The following DCAF12 variants were observed in gnomAD, a reference collection of about 807,000 sequenced individuals.
DCAF12 encodes DDB1- and CUL4-associated factor 12.
A neutral mutation model predicts 52.8 loss-of-function variants in DCAF12; 28 were observed. The observed-to-expected ratio is 0.53, with a 90% CI of 0.39 to 0.73. The LOEUF is 0.73. Ranked by LOEUF, DCAF12 falls within the 30% of genes least tolerant of loss-of-function variation. DCAF12 has a pLI of 0.00. For missense variants in DCAF12, 425 were observed against 552.2 expected (o/e 0.77, Z 2.31); for synonymous variants, 196 against 215.5 (o/e 0.91, Z 0.79).
At chr9:34,118,997 T>C (rs1829131645) in intron 2 of DCAF12, among the ~76,000 whole-genome samples, 1 of 151,998 alleles carries the variant, frequency 6.6e-6, no homozygotes, top group South Asian at 2.1e-4. Context: ...ATAATATCTC[T>C]CTTATCTCAC....
At chr9:34,094,102 A>C (rs1828695631) in intron 6 of DCAF12, among the ~76,000 whole-genome samples, 1 of 152,132 alleles carries the variant, frequency 6.6e-6, no homozygotes, top group South Asian at 2.1e-4. Context: ...CAAAGTCCTC[A>C]AGGATAAGAA....
At chr9:34,119,574 G>A (rs904930116) in intron 2 of DCAF12, among the ~76,000 whole-genome samples, 10 of 152,138 alleles carry the variant, frequency 6.6e-5, no homozygotes, top group African/African-American at 2.2e-4. Context: ...TTTAGATTAA[G>A]TAGCTTCCAA....
At chr9:34,097,901 C>G (rs1828760814) in intron 5 of DCAF12, among the ~76,000 whole-genome samples, 1 of 150,500 alleles carries the variant, frequency 6.6e-6, no homozygotes, top group African/African-American at 2.4e-5. Context: ...CCATTGCACT[C>G]CTGCCTAGGT....
chr9:34,126,326 AC>A, intron 1 of DCAF12, 27 bp downstream of exon 1: 2 of 1,610,576 alleles, frequency 1.2e-6, no homozygotes, highest in Non-Finnish European at 1.7e-6. Context: ...CAGCCTCACC[AC>A]CCAGGTGCCG....
At chr9:34,125,929 T>A (rs1226439251) in intron 1 of DCAF12, among the ~76,000 whole-genome samples, 1 of 152,074 alleles carries the variant, frequency 6.6e-6, no homozygotes, top group Non-Finnish European at 1.5e-5. Context: ...AAGGCCCAGC[T>A]CAGGGTTGGG....
chr9:34,119,319 A>T (rs374707804), intron 2 of DCAF12, among the ~76,000 whole-genome samples: 15 of 152,372 alleles, frequency 9.8e-5, no homozygotes, highest in African/African-American at 3.4e-4. Flanking sequence ...TTTAAAATGC[A>T]AGAAAGATCA....
At chr9:34,103,800 C>T (rs1224485101) in intron 4 of DCAF12, among the ~76,000 whole-genome samples, 8 of 152,030 alleles carry the variant, frequency 5.3e-5, no homozygotes, top group African/African-American at 1.2e-4. Flanking sequence ...AATAATCACA[C>T]GCTGCACTCC....
intron 2 of DCAF12, among the ~76,000 whole-genome samples, chr9:34,116,894 G>A (rs907666663): frequency 2.6e-5 from 4 of 152,146 alleles, no homozygotes; most frequent in African/African-American, 9.7e-5. Context: ...CAGAAGAATC[G>A]CTTGAACCCA....
chr9:34,100,692 G>T (rs1049793509), intron 4 of DCAF12, among the ~76,000 whole-genome samples: 2 of 151,190 alleles, frequency 1.3e-5, no homozygotes, highest in Non-Finnish European at 1.5e-5. Context: ...TATAGACAGG[G>T]TTTTGTCATA....
intron 2 of DCAF12, among the ~76,000 whole-genome samples, chr9:34,108,775 G>A (rs1828945603): frequency 6.8e-6 from 1 of 146,616 alleles, no homozygotes; most frequent in Admixed American, 7.0e-5. Context: ...AACAGTGTGA[G>A]ACTGTGAGAC....
chr9:34,098,217 C>G, intron 5 of DCAF12, 107 bp downstream of exon 5: 7 of 1,244,304 alleles, frequency 5.6e-6, no homozygotes, highest in Non-Finnish European at 7.9e-6. Context: ...TCTGTGGGCT[C>G]AGAACCATGC....
intron 7 of DCAF12, among the ~76,000 whole-genome samples, chr9:34,090,188 C>T (rs550486566): frequency 1.4e-4 from 21 of 152,194 alleles, no homozygotes; most frequent in African/African-American, 4.8e-4. Flanking sequence ...CTTAGCCTCC[C>T]AAGTAGCTGG....
At chr9:34,114,573 C>T (rs984733438) in intron 2 of DCAF12, among the ~76,000 whole-genome samples, 1 of 152,088 alleles carries the variant, frequency 6.6e-6, no homozygotes, top group Non-Finnish European at 1.5e-5. Context: ...GACAAGGGTC[C>T]AAGGATTCAT....
intron 1 of DCAF12, chr9:34,125,769 G>A (rs558918189): frequency 1.8e-4 from 48 of 272,842 alleles, no homozygotes; most frequent in South Asian, 1.2e-3. Flanking sequence ...CCAGGCAGTT[G>A]CAGAATTCGA....
chr9:34,119,057 T>C (rs1362076566), intron 2 of DCAF12, among the ~76,000 whole-genome samples: 4 of 152,168 alleles, frequency 2.6e-5, no homozygotes, highest in Admixed American at 6.6e-5. Context: ...CAGGACCATA[T>C]GGTTGTGTAT....
At chr9:34,125,446 C>A in intron 1 of DCAF12, 169 bp from the exon 2 acceptor site, 1 of 784,852 alleles carries the variant, frequency 1.3e-6, no homozygotes, top group Non-Finnish European at 2.0e-6. Flanking sequence ...TTAACTCTTC[C>A]AACATTAAAA....
intron 2 of DCAF12, chr9:34,109,729 A>G: frequency 4.0e-6 from 1 of 252,372 alleles, no homozygotes; most frequent in Non-Finnish European, 8.1e-6. Flanking sequence ...GTTCATGGCC[A>G]TTGAGCTGGC....
intron 7 of DCAF12, among the ~76,000 whole-genome samples, chr9:34,092,036 A>G (rs560747785): frequency 5.9e-5 from 9 of 152,330 alleles, no homozygotes; most frequent in African/African-American, 2.2e-4. Flanking sequence ...GTACACTAAA[A>G]TAAGTATTTT....
chr9:34,098,617 T>C (rs1416557174), intron 4 of DCAF12, 100 bp from the exon 5 acceptor site: 22 of 1,292,196 alleles, frequency 1.7e-5, no homozygotes, highest in Non-Finnish European at 2.2e-5. Flanking sequence ...TGTTTGTGCA[T>C]CATCCTCATA....
Sources: gnomAD v4.1 joint callset for allele counts (sites outside exome capture counted in the v4.1 genomes callset) on GRCh38, gnomAD v4.1.1 for gene constraint, MANE v1.5 for transcripts, NCBI Gene and HGNC (gene_info 2026-07-23, HGNC 2026-07-21) for gene names.